Variants in NKAIN2 observed in about 807,000 individuals in gnomAD.
NKAIN2 encodes sodium/potassium-transporting ATPase subunit beta-1-interacting protein 2.
Under a neutral mutation model 32.6 loss-of-function variants are expected in NKAIN2, and 14 were observed. The ratio of observed to expected loss-of-function variants is 0.43; its 90% CI spans 0.28 to 0.67. NKAIN2 has a LOEUF of 0.67. NKAIN2 is among the 30% of genes least tolerant of loss of function. NKAIN2 has a pLI of 0.17. For missense variants in NKAIN2, 198 were observed against 258.3 expected, an observed-to-expected ratio of 0.77 and a Z score of 1.60; for synonymous variants, 80 against 87.2, an observed-to-expected ratio of 0.92 and a Z score of 0.46.
intron 1 of NKAIN2, among the ~76,000 whole-genome samples, chr6:123,835,582 ACT>A (rs745524437): frequency 3.9e-5 from 6 of 151,908 alleles, no homozygotes; most frequent in South Asian, 2.1e-4. Context: ...TTTGGAAGAG[ACT>A]CTCTATGTGC....
chr6:123,894,699 T>C (rs1774188617), intron 1 of NKAIN2, among the ~76,000 whole-genome samples: 1 of 151,980 alleles, frequency 6.6e-6, no homozygotes, highest in Non-Finnish European at 1.5e-5. Flanking sequence ...TCATTAGTCA[T>C]TTATATCCCA....
intron 1 of NKAIN2, among the ~76,000 whole-genome samples, chr6:123,903,271 C>T (rs572390558): frequency 3.3e-5 from 5 of 152,138 alleles, no homozygotes; most frequent in South Asian, 2.1e-4. Context: ...GGGGAAGAGC[C>T]GTGAATCTAA....
intron 1 of NKAIN2, among the ~76,000 whole-genome samples, chr6:123,923,877 C>T (rs1775882316): frequency 3.4e-5 from 5 of 149,244 alleles, no homozygotes; most frequent in African/African-American, 5.0e-5. Context: ...ACCAGCATGG[C>T]ACATGTATAT....
chr6:124,331,206 G>A (rs1797635514), intron 2 of NKAIN2, among the ~76,000 whole-genome samples: 1 of 151,654 alleles, frequency 6.6e-6, no homozygotes, highest in South Asian at 2.1e-4. Flanking sequence ...AGGATCTACT[G>A]TAAAACAAAA....
intron 1 of NKAIN2, among the ~76,000 whole-genome samples, chr6:124,198,322 G>A (rs1033076399): frequency 1.3e-5 from 2 of 151,744 alleles, no homozygotes; most frequent in South Asian, 2.1e-4. Flanking sequence ...TGCTCCGCCC[G>A]TGTTGTGGGG....
intron 3 of NKAIN2, among the ~76,000 whole-genome samples, chr6:124,399,688 A>G (rs145324685): frequency 1.3e-4 from 20 of 152,364 alleles, no homozygotes; most frequent in African/African-American, 4.8e-4. Flanking sequence ...ACCAACAAAC[A>G]CAGATTCCTT....
rs372276427 is a variant in NKAIN2 at position 124,282,961 on chromosome 6, T to G, written c.55-44T>G. The G allele has an allele frequency of 2.6e-4, 416 of 1,589,292 alleles. 2 individuals are homozygous for G. The highest frequency in any genetic ancestry group is 3.2e-4 in the Non-Finnish European group (376 of 1,158,738). On this transcript the variant is annotated intron_variant, in intron 1 of 6. Coordinates refer to ENST00000368417, the MANE Select transcript of NKAIN2 (RefSeq NM_001040214.3). Reference sequence around the variant, plus strand: ...TCCTTTTTTCCTCTCACCACTGTGCTGTTTCTCACATGCTGATCTGTCCAT... The same window carrying G: ...TCCTTTTTTCCTCTCACCACTGTGCGGTTTCTCACATGCTGATCTGTCCAT...
chr6:124,711,528 T>C (rs1470523896), intron 4 of NKAIN2, among the ~76,000 whole-genome samples: 1 of 151,354 alleles, frequency 6.6e-6, no homozygotes, highest in East Asian at 1.9e-4. Context: ...CTTTTTATTC[T>C]TTTTTCTCTA....
intron 1 of NKAIN2, among the ~76,000 whole-genome samples, chr6:124,002,261 A>G (rs1313437630): frequency 6.6e-6 from 1 of 152,092 alleles, no homozygotes; most frequent in East Asian, 1.9e-4. Flanking sequence ...CTCAGATAAT[A>G]CGTGGTTGGG....
intron 3 of NKAIN2, among the ~76,000 whole-genome samples, chr6:124,399,486 C>T (rs1773536650): frequency 6.6e-6 from 1 of 152,188 alleles, no homozygotes; most frequent in African/African-American, 2.4e-5. Context: ...CTCTAACACT[C>T]ATAGAGCCTT....
rs566266365 is a variant in NKAIN2, at chr6:124,408,846, A to G, written c.273+53499A>G. 2.6e-5 allele frequency among the ~76,000 whole-genome samples: 4 copies of G among 152,220 alleles called. No homozygotes were observed. In the East Asian group the frequency reaches 7.7e-4, roughly 29 times the overall value. On this transcript the variant is annotated intron_variant, in intron 3 of 6. Coordinates refer to ENST00000368417, the MANE Select transcript of NKAIN2 (RefSeq NM_001040214.3). ...ACCCATGAGCATGGAATGTTCCTCC[A>G]TTTGTTTATATCCTCTTCTATTTCA...
intron 1 of NKAIN2, among the ~76,000 whole-genome samples, chr6:124,102,939 A>G (rs1057181716): frequency 3.3e-5 from 5 of 152,066 alleles, no homozygotes; most frequent in Admixed American, 1.3e-4. Flanking sequence ...TGATCGATCG[A>G]TTATCTGCTT....
intron 3 of NKAIN2, among the ~76,000 whole-genome samples, chr6:124,495,710 T>G (rs1024271142): frequency 6.6e-6 from 1 of 152,138 alleles, no homozygotes; most frequent in Non-Finnish European, 1.5e-5. Flanking sequence ...TTCTAAGAGA[T>G]GACATTTCAG....
At chr6:123,861,334 A>C (rs1363166410) in intron 1 of NKAIN2, among the ~76,000 whole-genome samples, 1 of 152,354 alleles carries the variant, frequency 6.6e-6, no homozygotes, top group Non-Finnish European at 1.5e-5. Flanking sequence ...ATCTGCTCAC[A>C]GTCTAATATT....
intron 3 of NKAIN2, among the ~76,000 whole-genome samples, chr6:124,639,633 A>T (rs1468059637): frequency 6.6e-6 from 1 of 152,092 alleles, no homozygotes; most frequent in Non-Finnish European, 1.5e-5. Context: ...GACTCCGTAA[A>T]GAAAAAAAAA....
At chr6:124,173,649 T>C (rs1197393095) in intron 1 of NKAIN2, among the ~76,000 whole-genome samples, 1 of 152,140 alleles carries the variant, frequency 6.6e-6, no homozygotes, top group Non-Finnish European at 1.5e-5. Flanking sequence ...AAAAACTAAA[T>C]TTGATACTGA....
intron 4 of NKAIN2, among the ~76,000 whole-genome samples, chr6:124,673,731 GT>G (rs572343266): frequency 2.1e-4 from 31 of 148,570 alleles, no homozygotes; most frequent in South Asian, 8.6e-4. Flanking sequence ...TTTTAATTGG[GT>G]TTTTTTTTCA....
intron 1 of NKAIN2, among the ~76,000 whole-genome samples, chr6:123,954,494 C>T (rs915998531): frequency 5.9e-5 from 9 of 152,170 alleles, no homozygotes; most frequent in Non-Finnish European, 1.2e-4. Flanking sequence ...TCCTCTCCTT[C>T]CTTGTGTTAG....
chr6:124,394,626 A>G (rs574818337), intron 3 of NKAIN2, among the ~76,000 whole-genome samples: 1 of 151,222 alleles, frequency 6.6e-6, no homozygotes, highest in South Asian at 2.1e-4. Context: ...AAGAAGAGCC[A>G]GTATTTCAGT....
Sources: gnomAD v4.1 joint callset for allele counts (sites outside exome capture counted in the v4.1 genomes callset) on GRCh38, gnomAD v4.1.1 for gene constraint, MANE v1.5 for transcripts, NCBI Gene and HGNC (gene_info 2026-07-23, HGNC 2026-07-21) for gene names.